KCNMB2: variants seen among roughly 807,000 people sequenced by gnomAD.
KCNMB2 encodes calcium-activated potassium channel subunit beta-2.
A neutral mutation model predicts 24.5 loss-of-function variants in KCNMB2; 9 were observed. The observed-to-expected ratio is 0.37, with a 90% confidence interval of 0.22 to 0.64. The LOEUF is 0.64. Among genes scored for constraint, KCNMB2 ranks in the 30% least tolerant of loss-of-function variants. The pLI, the probability that KCNMB2 is intolerant of heterozygous loss-of-function variation, is 0.63. For synonymous variants in KCNMB2, 109 were observed against 104.4 expected (o/e 1.04, Z -0.27); for missense variants, 226 against 284.3 (o/e 0.79, Z 1.47).
At chr3:178,586,777 T>A (rs944544127) in intron 1 of KCNMB2, among the ~76,000 whole-genome samples, 3 of 152,074 alleles carry the variant, frequency 2.0e-5, no homozygotes, top group Admixed American at 6.5e-5. Flanking sequence ...ACTCCTGACC[T>A]CGGGTGATCT....
intron 1 of KCNMB2, among the ~76,000 whole-genome samples, chr3:178,796,906 T>A (rs760770856): frequency 6.6e-6 from 1 of 151,028 alleles, no homozygotes; most frequent in African/African-American, 2.4e-5. Context: ...AGAGCAGAAA[T>A]AAAGAAATTG....
At chr3:178,601,914 T>G (rs909935869) in intron 1 of KCNMB2, among the ~76,000 whole-genome samples, 9 of 152,222 alleles carry the variant, frequency 5.9e-5, no homozygotes, top group Non-Finnish European at 1.0e-4. Context: ...CTGACCATTT[T>G]GAGGAGCCTT....
At chr3:178,553,117 A>T (rs1716011652) in intron 1 of KCNMB2, among the ~76,000 whole-genome samples, 1 of 152,214 alleles carries the variant, frequency 6.6e-6, no homozygotes, top group African/African-American at 2.4e-5. Context: ...TTAATAAAAC[A>T]TTAAAATGAA....
intron 1 of KCNMB2, among the ~76,000 whole-genome samples, chr3:178,632,241 G>A (rs900084022): frequency 6.6e-6 from 1 of 152,154 alleles, no homozygotes; most frequent in East Asian, 1.9e-4. Flanking sequence ...ACAGAAAAGA[G>A]TGGCTTGATT....
chr3:178,587,239 T>C (rs1215941459), intron 1 of KCNMB2, among the ~76,000 whole-genome samples: 1 of 152,158 alleles, frequency 6.6e-6, no homozygotes, highest in Non-Finnish European at 1.5e-5. Flanking sequence ...AAAATCTTTT[T>C]AAGATATCTT....
chr3:178,597,893 T>C (rs1176889417), intron 1 of KCNMB2, among the ~76,000 whole-genome samples: 1 of 152,098 alleles, frequency 6.6e-6, no homozygotes, highest in Non-Finnish European at 1.5e-5. Context: ...TTCTTTTGTG[T>C]TGGCTCTTAA....
Position 178,820,245 on chromosome 3 carries a change from C to T in KCNMB2, c.57-5343C>T, listed in dbSNP as rs536594555. Among the ~76,000 whole-genome samples the T allele has an allele frequency of 3.6e-3, 553 of 152,322 alleles. 3 individuals are homozygous for T. Among genetic ancestry groups the T allele is most frequent in the Non-Finnish European group, 3.9e-3 (267 of 68,038 alleles). The stretch of plus-strand genomic sequence containing the variant: ...GGGAATTAGCCATTGAGAAACTGAT[C>T]CTTTAGCAAGTTGGCCCTTGGCGTA... On this transcript the variant is annotated intron_variant, in intron 2 of 4. Transcript: ENST00000452583.
At chr3:178,646,070 C>T (rs772109051) in intron 1 of KCNMB2, among the ~76,000 whole-genome samples, 1 of 152,066 alleles carries the variant, frequency 6.6e-6, no homozygotes, top group Non-Finnish European at 1.5e-5. Flanking sequence ...TCAAGAGAAA[C>T]GTCTCATCTG....
intron 1 of KCNMB2, among the ~76,000 whole-genome samples, chr3:178,605,700 G>C (rs888947050): frequency 6.6e-6 from 1 of 152,178 alleles, no homozygotes; most frequent in African/African-American, 2.4e-5. Flanking sequence ...TGGAGGAAAG[G>C]TGATCTTTTT....
chr3:178,676,097 C>T (rs760024718), intron 1 of KCNMB2, among the ~76,000 whole-genome samples: 17 of 152,126 alleles, frequency 1.1e-4, no homozygotes, highest in Non-Finnish European at 2.1e-4. Flanking sequence ...CCATGTTACG[C>T]CTCTAATACT....
At chr3:178,653,691 T>C (rs1342499788) in intron 1 of KCNMB2, among the ~76,000 whole-genome samples, 3 of 152,134 alleles carry the variant, frequency 2.0e-5, no homozygotes, top group Non-Finnish European at 4.4e-5. Context: ...TATTAATGAA[T>C]TGAATTACAT....
chr3:178,825,821 T>G, intron 3 of KCNMB2, 63 bp downstream of exon 3: 1 of 1,347,196 alleles, frequency 7.4e-7, no homozygotes, highest in Non-Finnish European at 1.0e-6. Flanking sequence ...CCCCATCACT[T>G]AGGCAACCCT....
intron 1 of KCNMB2, among the ~76,000 whole-genome samples, chr3:178,793,580 T>C (rs1404414834): frequency 6.6e-6 from 1 of 151,990 alleles, no homozygotes; most frequent in East Asian, 1.9e-4. Flanking sequence ...CCAGTCTCTG[T>C]TGTGGTACTG....
chr3:178,582,252 T>C (rs990841498), intron 1 of KCNMB2, among the ~76,000 whole-genome samples: 5 of 152,084 alleles, frequency 3.3e-5, no homozygotes, highest in South Asian at 2.1e-4. Flanking sequence ...CTCAGCAAAC[T>C]AACACAGGAA....
At chr3:178,714,729 A>G (rs192954924) in intron 1 of KCNMB2, among the ~76,000 whole-genome samples, 21 of 152,330 alleles carry the variant, frequency 1.4e-4, no homozygotes, top group African/African-American at 4.8e-4. Context: ...AGGCTTCTAA[A>G]CAGTAGTGAG....
At chr3:178,812,168 C>G (rs1714218502) in intron 2 of KCNMB2, among the ~76,000 whole-genome samples, 1 of 152,050 alleles carries the variant, frequency 6.6e-6, no homozygotes. Context: ...TAAATAGCTT[C>G]TCCCAGTTTG....
At chr3:178,636,624 A>C (rs1039158824) in intron 1 of KCNMB2, among the ~76,000 whole-genome samples, 6 of 152,002 alleles carry the variant, frequency 3.9e-5, no homozygotes, top group African/African-American at 1.5e-4. Flanking sequence ...AGCTTCCAGC[A>C]CTCTTTTCAC....
intron 1 of KCNMB2, among the ~76,000 whole-genome samples, chr3:178,717,922 A>G (rs949574685): frequency 6.6e-6 from 1 of 151,118 alleles, no homozygotes; most frequent in Admixed American, 6.6e-5. Context: ...ACCTTTGGTG[A>G]CTCCTGAGAA....
At chr3:178,663,043 C>T (rs186878181) in intron 1 of KCNMB2, among the ~76,000 whole-genome samples, 3 of 152,258 alleles carry the variant, frequency 2.0e-5, no homozygotes, top group East Asian at 1.9e-4. Context: ...CTCTGCTCCA[C>T]GTGGTGTTGG....
Sources: gnomAD v4.1 joint callset for allele counts (sites outside exome capture counted in the v4.1 genomes callset) on GRCh38, gnomAD v4.1.1 for gene constraint, MANE v1.5 for transcripts, NCBI Gene and HGNC (gene_info 2026-07-23, HGNC 2026-07-21) for gene names.